Variants in PPFIA1 observed in about 807,000 individuals in gnomAD.
PPFIA1 encodes liprin-alpha-1.
Under a neutral mutation model 149.9 loss-of-function variants are expected in PPFIA1, and 25 were observed. The ratio of observed to expected loss-of-function variants is 0.17; its 90% CI spans 0.12 to 0.23. The LOEUF is 0.23. Ranked by LOEUF, PPFIA1 falls within the 10% of genes least tolerant of loss-of-function variation. The pLI is 1.00. For missense variants in PPFIA1, 1,362 were observed against 1,506.5 expected (o/e 0.90, Z 1.59); for synonymous variants, 549 against 552.8 (o/e 0.99, Z 0.10).
chr11:70,312,753 C>T (rs1002495470), intron 2 of PPFIA1, among the ~76,000 whole-genome samples: 1 of 152,208 alleles, frequency 6.6e-6, no homozygotes, highest in Non-Finnish European at 1.5e-5. Flanking sequence ...CCTTTGGTTC[C>T]ATTGCCATCA....
intron 2 of PPFIA1, among the ~76,000 whole-genome samples, chr11:70,277,725 A>G (rs2050498396): frequency 6.6e-6 from 1 of 151,932 alleles, no homozygotes; most frequent in South Asian, 2.1e-4. Flanking sequence ...TCCTGACCTC[A>G]AGTGATCTGC....
intron 7 of PPFIA1, 31 bp downstream of exon 7, chr11:70,326,849 A>G (rs372502762): frequency 3.9e-6 from 6 of 1,558,306 alleles, no homozygotes; most frequent in Admixed American, 1.7e-5. Flanking sequence ...CAGTCTTGTC[A>G]TGAAGTTGTA....
chr11:70,369,845 C>T (rs1339266481), intron 21 of PPFIA1, among the ~76,000 whole-genome samples: 2 of 152,108 alleles, frequency 1.3e-5, no homozygotes, highest in Non-Finnish European at 2.9e-5. Flanking sequence ...CTGTGTTGCC[C>T]AGGCTGGTCT....
intron 2 of PPFIA1, among the ~76,000 whole-genome samples, chr11:70,274,241 C>T (rs1306766843): frequency 1.3e-5 from 2 of 152,128 alleles, no homozygotes; most frequent in East Asian, 1.9e-4. Context: ...GTGCTCCTGG[C>T]ACATTGTGGA....
At chr11:70,295,571 C>T (rs1231135405) in intron 2 of PPFIA1, among the ~76,000 whole-genome samples, 8 of 141,362 alleles carry the variant, frequency 5.7e-5, no homozygotes, top group Non-Finnish European at 9.3e-5. Context: ...GACCCCCCCA[C>T]CTCCCTCCCG....
chr11:70,343,078 G>C (rs1008483375), intron 14 of PPFIA1, among the ~76,000 whole-genome samples: 30 of 150,852 alleles, frequency 2.0e-4, no homozygotes, highest in African/African-American at 7.1e-4. Flanking sequence ...CTCTCCAGTA[G>C]CTGGGATTAC....
chr11:70,328,422 T>C (rs1480593701), intron 7 of PPFIA1, among the ~76,000 whole-genome samples: 1 of 152,280 alleles, frequency 6.6e-6, no homozygotes, highest in South Asian at 2.1e-4. Context: ...TTCTGTTTTA[T>C]GGCTGCATAG....
chr11:70,368,064 G>A (rs771604614), intron 21 of PPFIA1, among the ~76,000 whole-genome samples: 6 of 152,122 alleles, frequency 3.9e-5, no homozygotes, highest in Non-Finnish European at 7.4e-5. Context: ...CTTGAGCCCG[G>A]AAAGTGGACG....
At position 70,324,940 on chromosome 11, in the gene PPFIA1, G is replaced by A. The variant is rs756011012; in HGVS notation, c.460G>A (p.Val154Met). 5.6e-6 allele frequency: 9 copies of A among 1,613,974 alleles called. No individual in the cohort carries two copies. Among genetic ancestry groups the A allele is most frequent in the African/African-American group, 1.3e-5 (1 of 74,942 alleles). Residue 154 changes from valine (V) to methionine (M), a missense_variant, in exon 4 of 28, where the codon GTG (valine) becomes ATG (methionine). Physicochemically the swap from Val to Met is conservative, Grantham distance 21 (BLOSUM62 1). Around this residue, in one of 7 missense-constraint regions of PPFIA1, gnomAD observed 79 missense variants for 146.2 expected, o/e 0.54. Coordinates refer to ENST00000253925, the MANE Select transcript of PPFIA1 (RefSeq NM_003626.5). ...GAGACAAGCGCAGTCTCCAGCAGGCGTGTCCAGCGAAGTGGAAGTGCTGAA... is the reference window on the plus strand; with the variant it reads ...GAGACAAGCGCAGTCTCCAGCAGGCATGTCCAGCGAAGTGGAAGTGCTGAA... ...VKRQAQSPAG[V>M]SSEVEVLKAL...
intron 2 of PPFIA1, among the ~76,000 whole-genome samples, chr11:70,284,979 G>C (rs1347672597): frequency 6.9e-6 from 1 of 145,054 alleles, no homozygotes; most frequent in Non-Finnish European, 1.5e-5. Context: ...TGATTTAGCT[G>C]CGTTGTTATT....
At chr11:70,376,942 A>G (rs1319685050) in intron 25 of PPFIA1, among the ~76,000 whole-genome samples, 1 of 152,054 alleles carries the variant, frequency 6.6e-6, no homozygotes, top group East Asian at 1.9e-4. Flanking sequence ...GCGTTGTGGT[A>G]GGTGCCTATA....
At chr11:70,289,115 A>G (rs1173441904) in intron 2 of PPFIA1, among the ~76,000 whole-genome samples, 1 of 151,236 alleles carries the variant, frequency 6.6e-6, no homozygotes, top group Non-Finnish European at 1.5e-5. Flanking sequence ...TTACAGGCCC[A>G]CACCACCATG....
intron 21 of PPFIA1, among the ~76,000 whole-genome samples, chr11:70,370,238 T>C (rs112138234): frequency 2.6e-5 from 4 of 152,272 alleles, no homozygotes; most frequent in African/African-American, 9.6e-5. Context: ...CTAGGGTTTG[T>C]TAATTTGATT....
chr11:70,355,606 C>T (rs986135321), intron 17 of PPFIA1, 33 bp from the exon 18 acceptor site: 1 of 1,568,618 alleles, frequency 6.4e-7, no homozygotes, highest in African/African-American at 1.4e-5. Context: ...CCTACAAGGG[C>T]ACATAGTAAA....
intron 21 of PPFIA1, among the ~76,000 whole-genome samples, chr11:70,368,410 A>G (rs544270898): frequency 6.6e-6 from 1 of 152,338 alleles, no homozygotes; most frequent in East Asian, 1.9e-4. Flanking sequence ...CCATAGTTTC[A>G]AGACCAACAT....
At chr11:70,318,984 C>T (rs1024281469) in intron 2 of PPFIA1, among the ~76,000 whole-genome samples, 1 of 152,250 alleles carries the variant, frequency 6.6e-6, no homozygotes, top group African/African-American at 2.4e-5. Flanking sequence ...TGATTATCCC[C>T]ATTTGCAGTC....
Position 70,355,668 on chromosome 11 carries a change from G to A in PPFIA1, c.2345G>A (p.Ser782Asn), listed in dbSNP as rs146597848. Residue 782 changes from serine to asparagine, a missense_variant, in exon 18 of 28, where the codon AGC becomes AAC. Ser to Asn is a conservative substitution (Grantham distance 46). This residue lies in a region of PPFIA1 where 733 missense variants were observed against 744.1 expected (regional missense o/e 0.99). Coordinates refer to ENST00000253925, the MANE Select transcript of PPFIA1 (RefSeq NM_003626.5). ...ACAGGCTCCCAGGATGGTCCCGTGA[G>A]CAACCCCAGCAGTAGCAACAGTAGC... Reference protein sequence around the residue: ...NSTGSQDGPVSNPSSSNSSQD... With the variant: ...NSTGSQDGPVNNPSSSNSSQD... 13 of 1,612,126 alleles carry A rather than the reference G, an allele frequency of 8.1e-6. No individual in the cohort carries two copies. The highest frequency in any genetic ancestry group is 2.7e-5 in the African/African-American group (2 of 74,732).
intron 21 of PPFIA1, among the ~76,000 whole-genome samples, chr11:70,367,926 C>T (rs2057031265): frequency 6.6e-6 from 1 of 152,110 alleles, no homozygotes; most frequent in Non-Finnish European, 1.5e-5. Context: ...GCTTTCAGCC[C>T]AGGAGTTCAA....
At chr11:70,346,475 TA>T (rs1289105767) in intron 15 of PPFIA1, among the ~76,000 whole-genome samples, 1 of 152,028 alleles carries the variant, frequency 6.6e-6, no homozygotes, top group Non-Finnish European at 1.5e-5. Context: ...CATTCTGAAG[TA>T]AGAAGTTGGT....
Sources: gnomAD v4.1 joint callset for allele counts (sites outside exome capture counted in the v4.1 genomes callset) on GRCh38, gnomAD v4.1.1 for gene constraint, gnomAD v4.1.1 regional missense constraint, MANE v1.5 for transcripts, NCBI Gene and HGNC (gene_info 2026-07-23, HGNC 2026-07-21) for gene names.